The following RIOX2 variants were observed in gnomAD, a reference collection of about 807,000 sequenced individuals.
RIOX2 encodes the protein ribosomal oxygenase 2.
RIOX2 carries 43 observed loss-of-function variants against 51.2 expected under a neutral mutation model. The ratio of observed to expected loss-of-function variants is 0.84; its 90% CI spans 0.66 to 1.08. The LOEUF (loss-of-function observed/expected upper bound fraction) is 1.08, where lower values mean the gene tolerates loss of function less well. Among genes scored for constraint, RIOX2 ranks in the 50% least tolerant of loss-of-function variants. The probability of loss-of-function intolerance (pLI) is 0.00; values close to 1 mark genes in which losing one functional copy is unlikely to be tolerated. For synonymous variants in RIOX2, 226 were observed against 218.5 expected, an observed-to-expected ratio of 1.03 and a Z score of -0.30; for missense variants, 566 against 561.7, an observed-to-expected ratio of 1.01 and a Z score of -0.08.
rs1323549630 is a variant in RIOX2, at chr3:97,944,971, G to A, written c.*213C>T. The A allele has an allele frequency of 2.6e-6, 1 of 388,002 alleles. No homozygotes were observed. The highest frequency in any genetic ancestry group is 4.6e-6 in the Non-Finnish European group (1 of 217,824). 24.0% of individuals were successfully genotyped at this position (388,002 alleles called of 1,614,324 possible). On this transcript the variant is annotated 3_prime_UTR_variant, in exon 10 of 10. Coordinates refer to ENST00000394198, the MANE Select transcript of RIOX2 (RefSeq NM_153182.4). ...AATAAACTTGTCAAAATATGGTTTT[G>A]TCATTTTCTGAGACACTTGGTAATT... is the stretch of plus-strand genomic sequence containing the variant.
chr3:97,942,528 T>TA lies in RIOX2; in HGVS notation c.*2655dup. The TA allele has an allele frequency of 8.3e-7, 1 of 1,202,328 alleles. No homozygotes were observed. The highest frequency in any genetic ancestry group is 1.1e-6 in the Non-Finnish European group (1 of 872,084). The allele number at this position is 1,202,328 out of a possible 1,614,324, so 74.5% of individuals were successfully genotyped here. A position where few individuals can be genotyped will look rare whatever the true frequency, so the allele number is the denominator to read the frequency against. ...CCTCATTTTGGGTAAAGGACATCCT[T>TA]ATGTATAAGAGAAATGTTAAGTCAT... On this transcript the variant is annotated 3_prime_UTR_variant, in exon 10 of 10. Coordinates refer to ENST00000394198, the MANE Select transcript of RIOX2 (RefSeq NM_153182.4).
rs1705956971 is a variant in RIOX2 at position 97,967,926 on chromosome 3, A to G, written c.-39-294T>C. Among the ~76,000 whole-genome samples, 3 of 152,194 alleles carry G rather than the reference A, an allele frequency of 2.0e-5. No individual in the cohort carries two copies. The South Asian group carries it at 6.2e-4, about 32-fold the overall frequency. On this transcript the variant is annotated intron_variant, in intron 1 of 9. Coordinates refer to ENST00000394198, the MANE Select transcript of RIOX2 (RefSeq NM_153182.4). ...TTTATTAGGCAGTATAATTATCCCA[A>G]ATAAACCTATTCAACTGTCTCAGCA... is the stretch of plus-strand genomic sequence containing the variant.
chr3:97,961,346 G>A (rs189107818), intron 3 of RIOX2, among the ~76,000 whole-genome samples: 1 of 152,318 alleles, frequency 6.6e-6, no homozygotes, highest in East Asian at 1.9e-4. Context: ...CGAATGTGTG[G>A]CTCTTTAAAT....
intron 8 of RIOX2, 74 bp from the exon 9 acceptor site, chr3:97,945,961 C>T (rs528638730): frequency 2.8e-6 from 3 of 1,053,884 alleles, no homozygotes; most frequent in African/African-American, 3.1e-5. Context: ...GAAGGTTTTC[C>T]AATAGGTCAA....
chr3:97,957,685 C>T (rs1187353099), intron 4 of RIOX2, among the ~76,000 whole-genome samples: 2 of 152,098 alleles, frequency 1.3e-5, no homozygotes, highest in Non-Finnish European at 2.9e-5. Context: ...CACTATGAAG[C>T]CTGACCTTCT....
chr3:97,960,335 C>T (rs1197506542), intron 3 of RIOX2, among the ~76,000 whole-genome samples: 1 of 152,198 alleles, frequency 6.6e-6, no homozygotes, highest in Non-Finnish European at 1.5e-5. Context: ...CTGATAAACA[C>T]AATATTAAAA....
In RIOX2 at chr3:97,959,147, G is replaced by C; in HGVS notation, c.585C>G (p.His195Gln). ...VFILQLEGEK[H>Q]WRLYHPTVPL... ...GCACAGTGGGGTGGTAGAGGCGCCA[G>C]TGTTTCTCTCCCTCCAGCTGCAGGA... Residue 195 changes from histidine (H) to glutamine (Q), a missense_variant, in exon 4 of 10, where the codon CAC becomes CAG. By Grantham distance (24) the His-to-Gln change is conservative. Transcript: ENST00000394198. 1.2e-6 allele frequency: 2 copies of C among 1,614,046 alleles called. No individual in the cohort carries two copies. The highest frequency in any genetic ancestry group is 1.7e-6 in the Non-Finnish European group (2 of 1,179,972).
intron 3 of RIOX2, among the ~76,000 whole-genome samples, chr3:97,960,917 A>G (rs1430504615): frequency 1.3e-5 from 2 of 152,230 alleles, no homozygotes; most frequent in East Asian, 1.9e-4. Flanking sequence ...AAGATATTCT[A>G]TTAAAAATAT....
rs146067224 is a variant in RIOX2, at chr3:97,955,423, G to A, written c.682-928C>T. 2.0e-3 allele frequency among the ~76,000 whole-genome samples: 309 copies of A among 152,048 alleles called. 1 individual carries two copies. The highest frequency in any genetic ancestry group is 6.9e-3 in the African/African-American group (288 of 41,442). On this transcript the variant is annotated intron_variant, in intron 4 of 9. Coordinates refer to ENST00000394198, the MANE Select transcript of RIOX2 (RefSeq NM_153182.4). Reference sequence around the variant, plus strand: ...CTATGGAGAAAAGAGGGAATCTTGAGGGCAGCTCATCTTCTCTCTGCAACT... The same window carrying A: ...CTATGGAGAAAAGAGGGAATCTTGAAGGCAGCTCATCTTCTCTCTGCAACT...
chr3:97,949,852 G>C lies in RIOX2; in HGVS notation c.1052C>G (p.Ser351Ter), dbSNP rs1705175991. 5 of 1,613,278 alleles carry C rather than the reference G, an allele frequency of 3.1e-6. No individual in the cohort carries two copies. The East Asian group carries it at 1.1e-4, about 36-fold the overall frequency. The change falls in exon 7 of 10, where the codon TCA becomes TGA. Residue 351 changes from serine (S) to a stop codon, truncating the protein, a stop_gained. Coordinates refer to ENST00000394198, the MANE Select transcript of RIOX2 (RefSeq NM_153182.4). LOFTEE classifies it high-confidence loss of function. ...PYSAGDGAEL[S>*]TPGGKLPRLD... ...AAAACAGCAAGCTCCACCTGGTGTTGACAGCTCTGCCCCATCTCCCGCAGA... is the reference window on the plus strand; with the variant it reads ...AAAACAGCAAGCTCCACCTGGTGTTCACAGCTCTGCCCCATCTCCCGCAGA...
intron 1 of RIOX2, among the ~76,000 whole-genome samples, chr3:97,970,190 A>G (rs1706067485): frequency 6.6e-6 from 1 of 152,236 alleles, no homozygotes; most frequent in Non-Finnish European, 1.5e-5. Flanking sequence ...TTAAGCCAAA[A>G]TAAAATCACT....
Position 97,959,105 on chromosome 3 carries a change from G to A in RIOX2, c.627C>T (p.Tyr209=), listed in dbSNP as rs751067276. The A allele has an allele frequency of 1.6e-5, 26 of 1,613,742 alleles. No individual in the cohort carries two copies. The highest frequency in any genetic ancestry group is 8.3e-5 in the Admixed American group (5 of 59,984). ...YHPTVPLARE[Y]SVEAEERIGR... is the part of the protein sequence containing the mutation. ...CGATCCTTTCCTCGGCCTCCACGCT[G>A]TACTCTCGTGCCAGGGGCACAGTGG... Residue 209 remains tyrosine (Y), a synonymous_variant, in exon 4 of 10, where the codon TAC becomes TAT. Transcript: ENST00000394198.
intron 4 of RIOX2, among the ~76,000 whole-genome samples, chr3:97,958,338 A>G (rs971533200): frequency 4.6e-5 from 7 of 152,202 alleles, no homozygotes. Context: ...AAAGAGTATA[A>G]AGTTGAATTA....
At chr3:97,955,000 G>A (rs1705399590) in intron 4 of RIOX2, among the ~76,000 whole-genome samples, 2 of 152,146 alleles carry the variant, frequency 1.3e-5, no homozygotes, top group Admixed American at 6.5e-5. Flanking sequence ...ATTATTTTGA[G>A]GATTAGAGAT....
At chr3:97,947,276 A>C in intron 8 of RIOX2, 85 bp downstream of exon 8, 1 of 1,000,012 alleles carries the variant, frequency 1.0e-6, no homozygotes, top group Admixed American at 1.9e-5. Context: ...AGAAGGGCAG[A>C]GACCAGTGGT....
Position 97,943,249 on chromosome 3 carries a change from C to A in RIOX2, c.*1935G>T. 5.7e-6 allele frequency: 9 copies of A among 1,585,080 alleles called. No individual in the cohort carries two copies. The highest frequency in any genetic ancestry group is 7.8e-6 in the Non-Finnish European group (9 of 1,156,742). ...AGGAGGAAATTATTGTGACAAGACTCATGTAATTGTAAATCAGCCCCTGGA... is the reference window on the plus strand; with the variant it reads ...AGGAGGAAATTATTGTGACAAGACTAATGTAATTGTAAATCAGCCCCTGGA... On this transcript the variant is annotated 3_prime_UTR_variant, in exon 10 of 10. Coordinates refer to ENST00000394198, the MANE Select transcript of RIOX2 (RefSeq NM_153182.4).
In RIOX2 at chr3:97,945,180, G is replaced by C; in HGVS notation, c.*4C>G. ...AATAGTAGGCATTTGATTCTGCAAAGGCACTAGACTACTTGAATTAAACAT... is the reference window on the plus strand; with the variant it reads ...AATAGTAGGCATTTGATTCTGCAAACGCACTAGACTACTTGAATTAAACAT... On this transcript the variant is annotated 3_prime_UTR_variant, in exon 10 of 10. Coordinates refer to ENST00000394198, the MANE Select transcript of RIOX2 (RefSeq NM_153182.4). 1.9e-6 allele frequency: 3 copies of C among 1,597,770 alleles called. No individual in the cohort carries two copies. Among genetic ancestry groups the C allele is most frequent in the Non-Finnish European group, 2.6e-6 (3 of 1,174,232 alleles).
Position 97,942,398 on chromosome 3 carries a change from A to T in RIOX2, c.*2786T>A. On this transcript the variant is annotated 3_prime_UTR_variant, in exon 10 of 10. Coordinates refer to ENST00000394198, the MANE Select transcript of RIOX2 (RefSeq NM_153182.4). ...GAAGTGGAGACTGAATAAAAATGGA[A>T]CTATCAGCTCTTATCTCAGTGATCA... 6.2e-7 allele frequency: 1 copy of T among 1,611,794 alleles called. No individual in the cohort carries two copies. The highest frequency in any genetic ancestry group is 1.1e-5 in the South Asian group (1 of 90,912).
At position 97,967,699 on chromosome 3, in the gene RIOX2, G is replaced by A. The variant is rs145076274; in HGVS notation, c.-39-67C>T. The A allele has an allele frequency of 1.3e-3, 1,468 of 1,104,294 alleles. 3 individuals carry two copies. The highest frequency in any genetic ancestry group is 3.6e-3 in the Middle Eastern group (17 of 4,756). 68.4% of individuals were successfully genotyped at this position (1,104,294 alleles called of 1,614,324 possible). ...GTGCCAGCATTGGTGTTAGTGGATC[G>A]CGCGCACACACAACTGAATGACCAT... On this transcript the variant is annotated intron_variant, in intron 1 of 9. Transcript: ENST00000394198.
Sources: gnomAD v4.1 joint callset for allele counts (sites outside exome capture counted in the v4.1 genomes callset) on GRCh38, gnomAD v4.1.1 for gene constraint, MANE v1.5 for transcripts, NCBI Gene and HGNC (gene_info 2026-07-23, HGNC 2026-07-21) for gene names.